The following IL22RA2 variants were observed in gnomAD, a reference collection of about 807,000 sequenced individuals.
IL22RA2 encodes the protein interleukin-22 receptor subunit alpha-2.
IL22RA2 carries 39 observed loss-of-function variants against 30.7 expected under a neutral mutation model. The observed-to-expected ratio is 1.27, with a 90% CI of 0.98 to 1.66. IL22RA2 has a LOEUF of 1.66. Among genes scored for constraint, IL22RA2 ranks in the 40% most tolerant of loss-of-function variants. The pLI, the probability that IL22RA2 is intolerant of heterozygous loss-of-function variation, is 0.00. For synonymous variants in IL22RA2, 103 were observed against 105.0 expected, an observed-to-expected ratio of 0.98 and a Z score of 0.11; for missense variants, 315 against 312.7, an observed-to-expected ratio of 1.01 and a Z score of -0.05.
rs1459420731 is a variant in IL22RA2, at chr6:137,156,663, T to C, written c.293+96A>G. 5 of 1,483,504 alleles carry C rather than the reference T, an allele frequency of 3.4e-6. No individual in the cohort carries two copies. The African/African-American group carries it at 4.2e-5, about 12-fold the overall frequency. The allele number at this position is 1,483,504 out of a possible 1,614,324, so 91.9% of individuals were successfully genotyped here. A position where few individuals can be genotyped will look rare whatever the true frequency, so the allele number is the denominator to read the frequency against. On this transcript the variant is annotated intron_variant, in intron 4 of 6. Transcript: ENST00000296980. Reference sequence around the variant, plus strand: ...CCTTAGAGACAGGAATGGATTCAGGTATTCTGGGGTCTGAAATTTATACAA... The same window carrying C: ...CCTTAGAGACAGGAATGGATTCAGGCATTCTGGGGTCTGAAATTTATACAA...
chr6:137,173,297 A>G (rs536213286), intron 1 of IL22RA2, 116 bp downstream of exon 1: 1 of 152,314 alleles, frequency 6.6e-6, no homozygotes, highest in Admixed American at 6.5e-5. Flanking sequence ...TGCTTGAGTC[A>G]AGGAGGTGAG....
rs1011732744 is a variant in IL22RA2, at chr6:137,166,710, G to A, written c.-65-4896C>T. 5.3e-5 allele frequency among the ~76,000 whole-genome samples: 8 copies of A among 152,296 alleles called. No individual in the cohort carries two copies. The East Asian group carries it at 5.8e-4, about 11-fold the overall frequency. ...GTGGAAGTTCTCAAATGGGAGGCTC[G>A]CCAGCTATCCCAGAAGCAATAGCCC... On this transcript the variant is annotated intron_variant, in intron 1 of 6. Transcript: ENST00000296980.
intron 6 of IL22RA2, among the ~76,000 whole-genome samples, chr6:137,146,516 C>A (rs1778182826): frequency 6.6e-6 from 1 of 152,180 alleles, no homozygotes. Context: ...CTACGTCCTG[C>A]CTCTGTCCCT....
At chr6:137,148,400 T>C (rs1778222112) in intron 5 of IL22RA2, among the ~76,000 whole-genome samples, 1 of 152,170 alleles carries the variant, frequency 6.6e-6, no homozygotes, top group Admixed American at 6.5e-5. Flanking sequence ...ATTGACAGTG[T>C]AGCCCTTGGA....
chr6:137,158,592 T>A, intron 2 of IL22RA2, 110 bp from the exon 3 acceptor site: 2 of 1,089,382 alleles, frequency 1.8e-6, no homozygotes, highest in Non-Finnish European at 2.7e-6. Flanking sequence ...GTAGTTGCTC[T>A]AAGTGCAGAT....
intron 2 of IL22RA2, among the ~76,000 whole-genome samples, chr6:137,160,558 G>T (rs1267872733): frequency 2.0e-5 from 3 of 152,318 alleles, no homozygotes; most frequent in Admixed American, 2.0e-4. Context: ...ATTAGAAGCT[G>T]AGGCTATACT....
intron 5 of IL22RA2, among the ~76,000 whole-genome samples, chr6:137,148,221 T>C (rs1404093080): frequency 6.7e-6 from 1 of 149,720 alleles, no homozygotes; most frequent in Non-Finnish European, 1.5e-5. Flanking sequence ...TTAATCTGAC[T>C]TTTGTTTGTT....
At chr6:137,170,548 T>C (rs934087653) in intron 1 of IL22RA2, among the ~76,000 whole-genome samples, 2 of 152,236 alleles carry the variant, frequency 1.3e-5, no homozygotes, top group African/African-American at 2.4e-5. Context: ...GTTGTAATAC[T>C]GCCTTTGTTT....
At chr6:137,152,081 G>A (rs59601696) in intron 5 of IL22RA2, among the ~76,000 whole-genome samples, 1,973 of 152,140 alleles carry the variant, frequency 0.013, 56 homozygotes, top group African/African-American at 0.045. Flanking sequence ...GTGTGGTGGC[G>A]TATGCCTGAT....
chr6:137,154,919 A>G (rs1472901323), intron 5 of IL22RA2, 22 bp downstream of exon 5: 2 of 1,612,454 alleles, frequency 1.2e-6, no homozygotes, highest in East Asian at 2.2e-5. Context: ...GAACAAGGGC[A>G]AAGAAACTCC....
chr6:137,144,688 G>C lies in IL22RA2; in HGVS notation c.*936C>G, dbSNP rs186117898. 5.9e-5 allele frequency: 9 copies of C among 152,264 alleles called. No homozygotes were observed. The highest frequency in any genetic ancestry group is 1.2e-4 in the Non-Finnish European group (8 of 68,074). 9.4% of individuals were successfully genotyped at this position (152,264 alleles called of 1,614,324 possible). On this transcript the variant is annotated 3_prime_UTR_variant, in exon 7 of 7. Coordinates refer to ENST00000296980, the MANE Select transcript of IL22RA2 (RefSeq NM_052962.3). The stretch of plus-strand genomic sequence containing the variant: ...GCTTCAAGCTGAGTTCTCTGTATGG[G>C]GTCGACCCCAGCAGTTCCCAATAAA...
chr6:137,154,940 C>G lies in IL22RA2; in HGVS notation c.472+1G>C. On this transcript the variant is annotated splice_donor_variant, in intron 5 of 6. Transcript: ENST00000296980. LOFTEE classifies it high-confidence loss of function. ...GGGCAAAGAAACTCCATGGAACTCA[C>G]TTTCCCACCAGGGAGTGAACCGCGG... 1.2e-6 allele frequency: 2 copies of G among 1,613,962 alleles called. No homozygotes were observed. The highest frequency in any genetic ancestry group is 1.7e-6 in the Non-Finnish European group (2 of 1,179,876).
chr6:137,151,492 G>T (rs2051635537), intron 5 of IL22RA2, among the ~76,000 whole-genome samples: 1 of 152,122 alleles, frequency 6.6e-6, no homozygotes, highest in South Asian at 2.1e-4. Flanking sequence ...CATGATTTTG[G>T]ATTTGGCAAA....
intron 6 of IL22RA2, among the ~76,000 whole-genome samples, chr6:137,146,307 C>T (rs1265609360): frequency 6.6e-6 from 1 of 152,214 alleles, no homozygotes; most frequent in African/African-American, 2.4e-5. Flanking sequence ...GCTGGGATTA[C>T]AGGCATGAAC....
chr6:137,149,335 A>C (rs1778241763), intron 5 of IL22RA2, among the ~76,000 whole-genome samples: 1 of 152,204 alleles, frequency 6.6e-6, no homozygotes, highest in South Asian at 2.1e-4. Context: ...TCTTAAAAGC[A>C]TATTAAGCTT....
At chr6:137,154,841 AGAGACC>A in intron 5 of IL22RA2, 94 bp downstream of exon 5, 1 of 917,474 alleles carries the variant, frequency 1.1e-6, no homozygotes, top group South Asian at 1.4e-5. Context: ...ATAATGATGT[AGAGACC>A]TCAGCAAAGC....
intron 1 of IL22RA2, among the ~76,000 whole-genome samples, chr6:137,166,643 T>C (rs1045722199): frequency 1.1e-4 from 16 of 152,180 alleles, no homozygotes; most frequent in Non-Finnish European, 1.5e-4. Flanking sequence ...ATGAAAAGGC[T>C]TGGTTTGAGC....
intron 2 of IL22RA2, among the ~76,000 whole-genome samples, chr6:137,160,177 AT>A (rs1214460435): frequency 1.3e-5 from 2 of 152,168 alleles, no homozygotes; most frequent in South Asian, 2.1e-4. Flanking sequence ...CCTAGAATTG[AT>A]TTGCTAACAT....
chr6:137,151,498 GC>G (rs566311542), intron 5 of IL22RA2, among the ~76,000 whole-genome samples: 331 of 152,234 alleles, frequency 2.2e-3, no homozygotes, highest in Admixed American at 5.6e-3. Context: ...TTTGGATTTG[GC>G]AAAGGATTCT....
Sources: allele counts gnomAD v4.1 joint callset (sites outside exome capture counted in the v4.1 genomes callset), GRCh38; gene constraint gnomAD v4.1.1; transcripts MANE v1.5; gene names NCBI Gene and HGNC (gene_info 2026-07-23, HGNC 2026-07-21).